The following REV1 variants were observed in gnomAD, a reference collection of about 807,000 sequenced individuals.
The protein encoded by REV1 is REV1 DNA directed polymerase, also known as translesion synthesis protein REV1.
In REV1, 42 loss-of-function variants were observed where a neutral mutation model predicts 137.4. The ratio of observed to expected loss-of-function variants is 0.31; its 90% CI spans 0.24 to 0.40. REV1 has a LOEUF of 0.40. REV1 is among the 10% of genes least tolerant of loss of function. REV1 has a pLI of 1.00. For synonymous variants in REV1, 524 were observed against 519.2 expected, an observed-to-expected ratio of 1.01 and a Z score of -0.12; for missense variants, 1,282 against 1,490.1, an observed-to-expected ratio of 0.86 and a Z score of 2.30.
In REV1 at chr2:99,405,902, A is replaced by C; in HGVS notation, c.2811+8T>G. On this transcript the variant is annotated splice_region_variant and intron_variant, in intron 17 of 22. Transcript: ENST00000258428. ...AATGTACTTATATTTAGGACTACAA[A>C]AATGTACCTGGGAAGGTGACGGGAC... is the stretch of plus-strand genomic sequence containing the variant. 2 of 1,520,022 alleles carry C rather than the reference A, an allele frequency of 1.3e-6. No individual in the cohort carries two copies. Among genetic ancestry groups the C allele is most frequent in the Non-Finnish European group, 1.8e-6 (2 of 1,129,914 alleles). 94.2% of individuals were successfully genotyped at this position (1,520,022 alleles called of 1,614,324 possible). A position where few individuals can be genotyped will look rare whatever the true frequency, so the allele number is the denominator to read the frequency against.
intron 1 of REV1, among the ~76,000 whole-genome samples, chr2:99,489,524 GC>G (rs11339312): frequency 1 from 148,879 of 148,898 alleles, 74,430 homozygotes; most frequent in Middle Eastern, 1. Flanking sequence ...GCGCGGGGCG[GC>G]CCATGGGGCT....
chr2:99,472,207 C>T (rs184965600), intron 1 of REV1, among the ~76,000 whole-genome samples: 15 of 152,162 alleles, frequency 9.9e-5, no homozygotes, highest in Admixed American at 2.0e-4. Flanking sequence ...ATACATACAA[C>T]GAAATACTAT....
intron 3 of REV1, 38 bp from the exon 4 acceptor site, chr2:99,449,542 G>A: frequency 8.9e-7 from 1 of 1,119,282 alleles, no homozygotes; most frequent in Non-Finnish European, 1.2e-6. Flanking sequence ...AGAGTCTTAT[G>A]TGTAAGAAGT....
chr2:99,406,856 C>T (rs1364164735), intron 15 of REV1: 1 of 157,250 alleles, frequency 6.4e-6, no homozygotes, highest in Non-Finnish European at 1.4e-5. Context: ...GGAAACTTCA[C>T]TATTTTTATC....
At chr2:99,486,304 C>T (rs1053764891) in intron 1 of REV1, among the ~76,000 whole-genome samples, 3 of 152,014 alleles carry the variant, frequency 2.0e-5, no homozygotes, top group Non-Finnish European at 4.4e-5. Context: ...CTGAGGCGGG[C>T]GGATCACGAG....
At chr2:99,481,798 G>A (rs953963462) in intron 1 of REV1, among the ~76,000 whole-genome samples, 1 of 152,188 alleles carries the variant, frequency 6.6e-6, no homozygotes, top group Admixed American at 6.5e-5. Context: ...TGGCCTGAAA[G>A]CTGGAGGCTA....
At chr2:99,447,149 G>A (rs1253662546) in intron 4 of REV1, among the ~76,000 whole-genome samples, 1 of 151,134 alleles carries the variant, frequency 6.6e-6, no homozygotes, top group African/African-American at 2.4e-5. Context: ...TATGTAAAAT[G>A]TTATTTATTT....
intron 9 of REV1, among the ~76,000 whole-genome samples, chr2:99,428,857 T>G (rs1197653000): frequency 6.6e-6 from 1 of 152,028 alleles, no homozygotes; most frequent in Non-Finnish European, 1.5e-5. Flanking sequence ...CCGGGTGTGG[T>G]GGCGAGCACC....
chr2:99,420,860 A>T (rs1382139528), intron 11 of REV1, among the ~76,000 whole-genome samples: 1 of 152,218 alleles, frequency 6.6e-6, no homozygotes, highest in Non-Finnish European at 1.5e-5. Context: ...ACAGAATGGC[A>T]AGAAAAGGGG....
At chr2:99,426,643 A>T (rs983582866) in intron 9 of REV1, among the ~76,000 whole-genome samples, 1 of 152,200 alleles carries the variant, frequency 6.6e-6, no homozygotes, top group Non-Finnish European at 1.5e-5. Flanking sequence ...CTGGGAAATG[A>T]GCTTTGTTCC....
At position 99,450,342 on chromosome 2, in the gene REV1, A is replaced by T. The variant is rs571741616; in HGVS notation, c.182-838T>A. Among the ~76,000 whole-genome samples, 170 of 152,332 alleles carry T rather than the reference A, an allele frequency of 1.1e-3. 1 individual carries two copies. Among genetic ancestry groups the T allele is most frequent in the African/African-American group, 3.8e-3 (159 of 41,574 alleles). ...TTATGGCCTGCATTACTAGCATCAC[A>T]TTAATCATCACTGTTCTCTTTCTTT... On this transcript the variant is annotated intron_variant, in intron 3 of 22. Transcript: ENST00000258428.
At chr2:99,425,738 T>A (rs1418788938) in intron 9 of REV1, among the ~76,000 whole-genome samples, 3 of 152,226 alleles carry the variant, frequency 2.0e-5, no homozygotes, top group East Asian at 1.9e-4. Context: ...ACACATTTTT[T>A]AAAAATGTGT....
intron 9 of REV1, among the ~76,000 whole-genome samples, chr2:99,426,922 T>A (rs993363794): frequency 4.6e-5 from 7 of 152,130 alleles, no homozygotes; most frequent in African/African-American, 1.7e-4. Flanking sequence ...GGTGGCTCAC[T>A]CCTGTAATCC....
chr2:99,474,288 T>C (rs1261084635), intron 1 of REV1, among the ~76,000 whole-genome samples: 4 of 152,204 alleles, frequency 2.6e-5, no homozygotes, highest in African/African-American at 7.2e-5. Flanking sequence ...CACACAATAG[T>C]TGACTTCTAG....
At chr2:99,436,917 A>G (rs932465459) in intron 6 of REV1, 2 of 151,670 alleles carry the variant, frequency 1.3e-5, no homozygotes, top group African/African-American at 4.8e-5. Context: ...ATCCCCTAAC[A>G]GTTTTGGACC....
At chr2:99,478,968 C>T (rs931197094) in intron 1 of REV1, among the ~76,000 whole-genome samples, 1 of 152,148 alleles carries the variant, frequency 6.6e-6, no homozygotes, top group Non-Finnish European at 1.5e-5. Flanking sequence ...GATGCTACAA[C>T]GTGTCCTAAG....
At chr2:99,431,017 A>G (rs1680052966) in intron 8 of REV1, among the ~76,000 whole-genome samples, 1 of 152,098 alleles carries the variant, frequency 6.6e-6, no homozygotes, top group African/African-American at 2.4e-5. Context: ...GAAACCCAGC[A>G]TTTCTCTTTT....
intron 1 of REV1, among the ~76,000 whole-genome samples, chr2:99,468,568 G>A (rs900702597): frequency 6.6e-6 from 1 of 152,190 alleles, no homozygotes; most frequent in East Asian, 1.9e-4. Flanking sequence ...CTAGTTTTCA[G>A]AGGAACTCTT....
At chr2:99,412,289 C>T (rs1257710660) in intron 13 of REV1, among the ~76,000 whole-genome samples, 1 of 143,546 alleles carries the variant, frequency 7.0e-6, no homozygotes, top group East Asian at 2.0e-4. Context: ...AAAACATATC[C>T]AAATCCATAA....
Sources: allele counts gnomAD v4.1 joint callset (sites outside exome capture counted in the v4.1 genomes callset), GRCh38; gene constraint gnomAD v4.1.1; transcripts MANE v1.5; gene names NCBI Gene and HGNC (gene_info 2026-07-23, HGNC 2026-07-21).